FSHR: variants seen among roughly 807,000 people sequenced by gnomAD.
FSHR encodes follicle-stimulating hormone receptor.
A neutral mutation model predicts 52.1 loss-of-function variants in FSHR; 46 were observed. That is an observed-to-expected ratio of 0.88 (90% confidence interval 0.70 to 1.13). The LOEUF (loss-of-function observed/expected upper bound fraction) is 1.13. Among genes scored for constraint, FSHR ranks in the 50% most tolerant of loss-of-function variants. The probability of loss-of-function intolerance (pLI) is 0.00; values close to 1 mark genes in which losing one functional copy is unlikely to be tolerated. For synonymous variants in FSHR, 399 were observed against 309.6 expected (o/e 1.29, Z -3.03); for missense variants, 964 against 834.6 (o/e 1.16, Z -1.91).
intron 1 of FSHR, among the ~76,000 whole-genome samples, chr2:49,094,064 C>A (rs1670725719): frequency 6.6e-6 from 1 of 152,076 alleles, no homozygotes; most frequent in Non-Finnish European, 1.5e-5. Context: ...CTCTATATTT[C>A]ATTAGTTTCC....
At chr2:49,082,753 A>T (rs1456061206) in intron 1 of FSHR, among the ~76,000 whole-genome samples, 1 of 152,194 alleles carries the variant, frequency 6.6e-6, no homozygotes. Context: ...CAGCGATGGA[A>T]GATGAAATGA....
In FSHR at chr2:49,066,246, T is replaced by C. The variant is rs371062146; in HGVS notation, c.224+1973A>G. On this transcript the variant is annotated intron_variant, in intron 2 of 9. Coordinates refer to ENST00000406846, the MANE Select transcript of FSHR (RefSeq NM_000145.4). Reference sequence around the variant, plus strand: ...TCTTTCCAACATGGATAGGTGAAAGTTGGTCACATGTGCAGAATGAATGAA... The same window carrying C: ...TCTTTCCAACATGGATAGGTGAAAGCTGGTCACATGTGCAGAATGAATGAA... 4.6e-5 allele frequency among the ~76,000 whole-genome samples: 7 copies of C among 152,120 alleles called. No homozygotes were observed. The South Asian group carries it at 6.2e-4, about 14-fold the overall frequency.
At chr2:49,078,912 A>G (rs1173283795) in intron 1 of FSHR, among the ~76,000 whole-genome samples, 3 of 152,156 alleles carry the variant, frequency 2.0e-5, no homozygotes, top group Admixed American at 1.3e-4. Context: ...TTACTACGCA[A>G]TAAGAATAGA....
intron 9 of FSHR, among the ~76,000 whole-genome samples, chr2:48,967,396 G>A (rs1674526524): frequency 6.6e-6 from 1 of 152,112 alleles, no homozygotes; most frequent in African/African-American, 2.4e-5. Context: ...ACCTTGCCTG[G>A]CCAATCTTAA....
chr2:48,963,163 T>G lies in FSHR; in HGVS notation c.1658A>C (p.Tyr553Ser), dbSNP rs776525084. 6.2e-6 allele frequency: 10 copies of G among 1,613,738 alleles called. No individual in the cohort carries two copies. The Admixed American group carries it at 1.2e-4, about 19-fold the overall frequency. Residue 553 changes from tyrosine (Y) to serine (S), a missense_variant, in exon 10 of 10, where the codon TAC becomes TCC. Physicochemically the swap from Tyr to Ser is moderately radical, Grantham distance 144 (BLOSUM62 -2). Transcript: ENST00000406846. Reference sequence around the variant, plus strand: ...GATGTTGGGGTTCCGCACTGTGAGGTAGATGTGGATATAGCAGCCACAGAT... The same window carrying G: ...GATGTTGGGGTTCCGCACTGTGAGGGAGATGTGGATATAGCAGCCACAGAT... ...VVICGCYIHI[Y>S]LTVRNPNIVS...
At chr2:49,127,004 G>T (rs953269734) in intron 1 of FSHR, among the ~76,000 whole-genome samples, 1 of 152,128 alleles carries the variant, frequency 6.6e-6, no homozygotes, top group Non-Finnish European at 1.5e-5. Context: ...GGAAAGAAAG[G>T]GAGGCATGTG....
At chr2:49,074,681 C>T (rs13028341) in intron 1 of FSHR, among the ~76,000 whole-genome samples, 31,930 of 151,750 alleles carry the variant, frequency 0.21, 3,409 homozygotes, top group East Asian at 0.28. Flanking sequence ...GAATTTATCC[C>T]AAAGGAAAGG....
At chr2:48,973,210 C>A (rs1342560370) in intron 8 of FSHR, among the ~76,000 whole-genome samples, 3 of 152,060 alleles carry the variant, frequency 2.0e-5, no homozygotes. Context: ...GCAGACAGGT[C>A]CTGGAGAATG....
chr2:48,999,073 G>A (rs1407733874), intron 4 of FSHR, among the ~76,000 whole-genome samples: 1 of 152,018 alleles, frequency 6.6e-6, no homozygotes, highest in Admixed American at 6.6e-5. Flanking sequence ...ACCATCCAGT[G>A]CATAGGATAC....
chr2:49,015,716 A>G (rs1360082976), intron 4 of FSHR, among the ~76,000 whole-genome samples: 1 of 152,204 alleles, frequency 6.6e-6, no homozygotes, highest in East Asian at 1.9e-4. Flanking sequence ...CTTAGAGATC[A>G]AGACTCCTAA....
intron 1 of FSHR, among the ~76,000 whole-genome samples, chr2:49,140,470 A>G (rs932243292): frequency 6.6e-6 from 1 of 152,184 alleles, no homozygotes; most frequent in Non-Finnish European, 1.5e-5. Context: ...CTATGAGCCA[A>G]TTAAACCTCT....
chr2:49,100,615 T>C (rs754936583), intron 1 of FSHR, among the ~76,000 whole-genome samples: 16 of 152,198 alleles, frequency 1.1e-4, no homozygotes, highest in Non-Finnish European at 1.9e-4. Context: ...GTCGTGAAGA[T>C]GGAAGACAAA....
At chr2:49,127,997 A>G (rs1672127277) in intron 1 of FSHR, among the ~76,000 whole-genome samples, 1 of 150,692 alleles carries the variant, frequency 6.6e-6, no homozygotes, top group African/African-American at 2.4e-5. Context: ...GGTTCAAGCA[A>G]TTCTCAGGCC....
At chr2:49,093,284 T>C (rs1002707638) in intron 1 of FSHR, among the ~76,000 whole-genome samples, 1 of 152,238 alleles carries the variant, frequency 6.6e-6, no homozygotes, top group African/African-American at 2.4e-5. Context: ...ATTGCTGAGA[T>C]AGGAGTGTTA....
Position 48,963,832 on chromosome 2 carries a change from T to C in FSHR, c.989A>G (p.Tyr330Cys). ...GCATAAGTCATAGTCAAACTCAGTGTACGTCATGTCAAATCCTCTGCTGTA... is the reference window on the plus strand; with the variant it reads ...GCATAAGTCATAGTCAAACTCAGTGCACGTCATGTCAAATCCTCTGCTGTA... The part of the protein sequence containing the change: ...SSYSRGFDMT[Y>C]TEFDYDLCNE... The change falls in exon 10 of 10, where the codon TAC (tyrosine) becomes TGC (cysteine). Residue 330 changes from tyrosine (Y) to cysteine (C), a missense_variant. Tyr to Cys is a radical substitution (Grantham distance 194, BLOSUM62 -2). Coordinates refer to ENST00000406846, the MANE Select transcript of FSHR (RefSeq NM_000145.4). The C allele has an allele frequency of 6.2e-7, 1 of 1,614,180 alleles. No individual in the cohort carries two copies. The highest frequency in any genetic ancestry group is 8.5e-7 in the Non-Finnish European group (1 of 1,180,012).
rs1013584073 is a variant in FSHR at position 49,149,838 on chromosome 2, G to A, written c.152+4428C>T. Among the ~76,000 whole-genome samples the A allele has an allele frequency of 3.3e-5, 5 of 152,042 alleles. 1 individual carries two copies. Among genetic ancestry groups the A allele is most frequent in the Admixed American group, 1.3e-4 (2 of 15,246 alleles). The stretch of plus-strand genomic sequence containing the variant: ...TTAGAAGTAAATGCTAGTGAAAAGA[G>A]ATTGCAATGAGATATGGGAACTTGC... On this transcript the variant is annotated intron_variant, in intron 1 of 9. Transcript: ENST00000406846.
At chr2:49,077,854 C>G (rs1242798338) in intron 1 of FSHR, among the ~76,000 whole-genome samples, 2 of 152,206 alleles carry the variant, frequency 1.3e-5, no homozygotes, top group African/African-American at 4.8e-5. Flanking sequence ...CAGTTACCAA[C>G]AAGTTCCTCA....
At chr2:49,085,358 G>T (rs994570643) in intron 1 of FSHR, among the ~76,000 whole-genome samples, 18 of 152,196 alleles carry the variant, frequency 1.2e-4, no homozygotes, top group African/African-American at 4.3e-4. Context: ...AATAATAAGA[G>T]CTATCTATGA....
intron 4 of FSHR, among the ~76,000 whole-genome samples, chr2:49,008,567 G>A (rs1237301625): frequency 2.0e-5 from 3 of 150,754 alleles, no homozygotes; most frequent in African/African-American, 7.3e-5. Context: ...GGGTCAAATG[G>A]TATTTCCAGT....
Sources: gnomAD v4.1 joint callset for allele counts (sites outside exome capture counted in the v4.1 genomes callset) on GRCh38, gnomAD v4.1.1 for gene constraint, MANE v1.5 for transcripts, NCBI Gene and HGNC (gene_info 2026-07-23, HGNC 2026-07-21) for gene names.